NRXN3: variants seen among roughly 807,000 people sequenced by gnomAD.
NRXN3 encodes neurexin 3.
Under a neutral mutation model 137.6 loss-of-function variants are expected in NRXN3, and 32 were observed. The observed-to-expected ratio is 0.23, with a 90% CI of 0.18 to 0.31. The LOEUF (loss-of-function observed/expected upper bound fraction) is 0.31. Among genes scored for constraint, NRXN3 ranks in the 10% least tolerant of loss-of-function variants. The probability of loss-of-function intolerance (pLI) is 1.00; values close to 1 mark genes in which losing one functional copy is unlikely to be tolerated. For missense variants in NRXN3, 1,574 were observed against 2,062.5 expected, an observed-to-expected ratio of 0.76 and a Z score of 4.59; for synonymous variants, 798 against 784.5, an observed-to-expected ratio of 1.02 and a Z score of -0.29.
rs138504181 is a variant in NRXN3 at position 79,130,234 on chromosome 14, G to A, written c.3262+142093G>A. On this transcript the variant is annotated intron_variant, in intron 15 of 20. Coordinates refer to ENST00000335750, the MANE Select transcript of NRXN3 (RefSeq NM_001330195.2). Reference sequence around the variant, plus strand: ...GATCCTGTCATTATGATGTTAGCTCGTTATTTTGTTCATTAGTTGATGCAG... The same window carrying A: ...GATCCTGTCATTATGATGTTAGCTCATTATTTTGTTCATTAGTTGATGCAG... 3.7e-3 allele frequency among the ~76,000 whole-genome samples: 563 copies of A among 151,494 alleles called. 2 individuals are homozygous for A. Among genetic ancestry groups the A allele is most frequent in the African/African-American group, 0.013 (539 of 41,282 alleles).
intron 15 of NRXN3, among the ~76,000 whole-genome samples, chr14:79,392,565 C>T (rs1032748039): frequency 3.2e-4 from 48 of 152,112 alleles, no homozygotes; most frequent in Non-Finnish European, 2.9e-5. Flanking sequence ...GAAGAATCGC[C>T]ACACTGCCAA....
chr14:78,194,088 C>T lies in NRXN3; in HGVS notation c.-704+23414C>T, dbSNP rs150320990. On this transcript the variant is annotated intron_variant, in intron 1 of 20. Coordinates refer to ENST00000335750, the MANE Select transcript of NRXN3 (RefSeq NM_001330195.2). ...GAGGTAACGCACGCTGGGTTTGGAG[C>T]GAGGACATGATGTGCGACCCACATC... Among the ~76,000 whole-genome samples, 588 of 152,274 alleles carry T rather than the reference C, an allele frequency of 3.9e-3. 3 individuals are homozygous for T. The highest frequency in any genetic ancestry group is 5.4e-3 in the Non-Finnish European group (364 of 68,030).
intron 3 of NRXN3, among the ~76,000 whole-genome samples, chr14:78,284,343 G>C (rs151250167): frequency 6.6e-6 from 1 of 152,038 alleles, no homozygotes; most frequent in Non-Finnish European, 1.5e-5. Flanking sequence ...AAGTTGTCCC[G>C]CCTTTCCAGA....
intron 4 of NRXN3, among the ~76,000 whole-genome samples, chr14:78,631,260 C>T (rs1461615912): frequency 6.6e-6 from 1 of 152,170 alleles, no homozygotes; most frequent in African/African-American, 2.4e-5. Flanking sequence ...CACCGGTCCT[C>T]ATTTTCTTAA....
intron 14 of NRXN3, among the ~76,000 whole-genome samples, chr14:78,971,257 G>A (rs2099438792): frequency 6.6e-6 from 1 of 151,704 alleles, no homozygotes; most frequent in Admixed American, 6.6e-5. Flanking sequence ...AGGCCTTTGA[G>A]CATTAGGTAG....
At chr14:78,368,227 C>T (rs2086271976) in intron 4 of NRXN3, among the ~76,000 whole-genome samples, 1 of 152,118 alleles carries the variant, frequency 6.6e-6, no homozygotes, top group African/African-American at 2.4e-5. Flanking sequence ...ATGTTTTACA[C>T]AGAGAAAAAT....
In NRXN3 at chr14:78,986,708, G is replaced by A. The variant is rs368646788; in HGVS notation, c.3143-1314G>A. Among the ~76,000 whole-genome samples the A allele has an allele frequency of 5.1e-4, 78 of 151,986 alleles. 1 individual carries two copies. The South Asian group carries it at 1.0e-2, about 19-fold the overall frequency. On this transcript the variant is annotated intron_variant, in intron 14 of 20. Coordinates refer to ENST00000335750, the MANE Select transcript of NRXN3 (RefSeq NM_001330195.2). Reference sequence around the variant, plus strand: ...ATGATTCTCTTTTGCATGCTCCAGCGCATGCACACTCCATTTAAGAGAATC... The same window carrying A: ...ATGATTCTCTTTTGCATGCTCCAGCACATGCACACTCCATTTAAGAGAATC...
intron 19 of NRXN3, among the ~76,000 whole-genome samples, chr14:79,722,449 C>T (rs1186860546): frequency 2.0e-5 from 3 of 152,090 alleles, no homozygotes; most frequent in African/African-American, 7.2e-5. Context: ...ACCCTTCTCA[C>T]ATAATGCTCT....
At chr14:79,209,003 A>T (rs902336779) in intron 15 of NRXN3, among the ~76,000 whole-genome samples, 1 of 152,092 alleles carries the variant, frequency 6.6e-6, no homozygotes, top group Admixed American at 6.5e-5. Flanking sequence ...CAGTGGTGTG[A>T]TCTTGCCTCA....
intron 10 of NRXN3, among the ~76,000 whole-genome samples, chr14:78,880,612 G>C (rs1234052938): frequency 6.6e-6 from 1 of 152,106 alleles, no homozygotes. Flanking sequence ...GAGCAGAGTA[G>C]GGTGGAAAAT....
chr14:79,385,073 ATTATAC>A (rs2094568750), intron 15 of NRXN3, among the ~76,000 whole-genome samples: 1 of 151,180 alleles, frequency 6.6e-6, no homozygotes, highest in South Asian at 2.1e-4. Flanking sequence ...CTTTTTTTTT[ATTATAC>A]TTTAAGTTTT....
chr14:79,211,406 A>T (rs1202747198), intron 15 of NRXN3, among the ~76,000 whole-genome samples: 1 of 152,224 alleles, frequency 6.6e-6, no homozygotes, highest in African/African-American at 2.4e-5. Flanking sequence ...CTCTAAGATG[A>T]TGATGATAAT....
chr14:79,615,881 A>G (rs1191733396), intron 16 of NRXN3, among the ~76,000 whole-genome samples: 9 of 152,200 alleles, frequency 5.9e-5, no homozygotes, highest in Non-Finnish European at 1.3e-4. Flanking sequence ...GTATTAAAAC[A>G]GTTAATCTTT....
At chr14:79,372,638 T>C (rs1354801879) in intron 15 of NRXN3, among the ~76,000 whole-genome samples, 2 of 152,112 alleles carry the variant, frequency 1.3e-5, no homozygotes, top group Admixed American at 6.5e-5. Context: ...AATGTGGTAT[T>C]TTAAGTTCTA....
chr14:79,481,798 C>T (rs1035021097), intron 16 of NRXN3, among the ~76,000 whole-genome samples: 6 of 152,022 alleles, frequency 3.9e-5, no homozygotes, highest in African/African-American at 9.6e-5. Context: ...CAAGACAGCT[C>T]GGCAGGTAGG....
At chr14:78,854,564 A>G (rs1054523441) in intron 10 of NRXN3, among the ~76,000 whole-genome samples, 1 of 152,170 alleles carries the variant, frequency 6.6e-6, no homozygotes, top group Non-Finnish European at 1.5e-5. Flanking sequence ...CTACAGTGTT[A>G]TAGTTATTTG....
chr14:78,572,240 C>T (rs1054348588), intron 4 of NRXN3, among the ~76,000 whole-genome samples: 2 of 152,292 alleles, frequency 1.3e-5, no homozygotes, highest in East Asian at 1.9e-4. Context: ...TCTGTCTTTT[C>T]AGTTGCAAGT....
intron 15 of NRXN3, among the ~76,000 whole-genome samples, chr14:79,444,514 T>G (rs771223200): frequency 9.2e-5 from 14 of 152,338 alleles, no homozygotes; most frequent in Middle Eastern, 3.4e-3. Context: ...TCCTTTCCAG[T>G]GCATCAGATG....
At chr14:79,726,102 A>G (rs1446432560) in intron 19 of NRXN3, among the ~76,000 whole-genome samples, 2 of 152,170 alleles carry the variant, frequency 1.3e-5, no homozygotes, top group African/African-American at 4.8e-5. Flanking sequence ...TCTCTTTTAC[A>G]GCATTCCTAT....
Sources: gnomAD v4.1 joint callset for allele counts (sites outside exome capture counted in the v4.1 genomes callset) on GRCh38, gnomAD v4.1.1 for gene constraint, MANE v1.5 for transcripts, NCBI Gene and HGNC (gene_info 2026-07-23, HGNC 2026-07-21) for gene names.